The following MAD1L1 variants were observed in gnomAD, a reference collection of about 807,000 sequenced individuals.
The protein encoded by MAD1L1 is mitotic arrest deficient 1 like 1, also known as mitotic spindle assembly checkpoint protein MAD1.
MAD1L1 carries 95 observed loss-of-function variants against 96.9 expected under a neutral mutation model. That is an observed-to-expected ratio of 0.98 (90% CI 0.83 to 1.16). MAD1L1 has a LOEUF of 1.16. Among genes scored for constraint, MAD1L1 ranks in the 50% most tolerant of loss-of-function variants. The pLI, the probability that MAD1L1 is intolerant of heterozygous loss-of-function variation, is 0.00. For synonymous variants in MAD1L1, 473 were observed against 396.6 expected (o/e 1.19, Z -2.29); for missense variants, 1,007 against 954.4 (o/e 1.06, Z -0.73).
At chr7:2,096,868 G>T (rs1786519101) in intron 11 of MAD1L1, among the ~76,000 whole-genome samples, 1 of 152,164 alleles carries the variant, frequency 6.6e-6, no homozygotes, top group Admixed American at 6.5e-5. Flanking sequence ...GCCCAGGCGT[G>T]GGCCCCACCC....
rs190658855 is a variant in MAD1L1, at chr7:1,824,522, G to T, written c.1999-8294C>A. Among the ~76,000 whole-genome samples the T allele has an allele frequency of 3.1e-3, 469 of 152,310 alleles. 2 individuals are homozygous for T. The highest frequency in any genetic ancestry group is 0.011 in the African/African-American group (457 of 41,568). The stretch of plus-strand genomic sequence containing the variant: ...GCTGCCCCGTGCCCTGGCGCCATCG[G>T]ATGGCCTCTACTGGGAAGTGAGCTG... On this transcript the variant is annotated intron_variant, in intron 18 of 18. Transcript: ENST00000265854.
intron 13 of MAD1L1, among the ~76,000 whole-genome samples, chr7:2,013,929 G>A (rs1782415748): frequency 6.6e-6 from 1 of 152,228 alleles, no homozygotes; most frequent in South Asian, 2.1e-4. Flanking sequence ...CCATGGGGCA[G>A]GGAAAAGGCA....
intron 11 of MAD1L1, among the ~76,000 whole-genome samples, chr7:2,096,652 G>A (rs944307438): frequency 1.1e-4 from 17 of 152,278 alleles, no homozygotes; most frequent in Admixed American, 6.5e-4. Context: ...CCTCGGCAGA[G>A]GACAGGAGGA....
intron 18 of MAD1L1, among the ~76,000 whole-genome samples, chr7:1,859,150 TGAGA>T (rs1296688521): frequency 1.3e-5 from 2 of 152,040 alleles, no homozygotes; most frequent in Non-Finnish European, 2.9e-5. Context: ...GCCAGATGCC[TGAGA>T]GAGGCAGTGG....
At chr7:2,003,236 C>T (rs888722001) in intron 13 of MAD1L1, among the ~76,000 whole-genome samples, 1 of 152,232 alleles carries the variant, frequency 6.6e-6, no homozygotes, top group East Asian at 1.9e-4. Flanking sequence ...CCAGGAGAAA[C>T]GGGAGAGAGG....
At chr7:2,065,980 G>A (rs1784860672) in intron 12 of MAD1L1, among the ~76,000 whole-genome samples, 2 of 152,236 alleles carry the variant, frequency 1.3e-5, no homozygotes. Context: ...ACAGGAAAAT[G>A]GTTTGTGTTC....
At chr7:1,976,889 G>C (rs1040056117) in intron 15 of MAD1L1, among the ~76,000 whole-genome samples, 1 of 152,040 alleles carries the variant, frequency 6.6e-6, no homozygotes, top group African/African-American at 2.4e-5. Flanking sequence ...AGACATAAAA[G>C]CTCTCCAAGT....
chr7:1,913,432 C>T (rs1440665921), intron 17 of MAD1L1, among the ~76,000 whole-genome samples: 1 of 31,798 alleles, frequency 3.1e-5, no homozygotes, highest in African/African-American at 1.0e-4. Context: ...CGTGCACGCC[C>T]GGCCTGGAGA....
rs543459040 is a variant in MAD1L1 at position 1,851,862 on chromosome 7, C to G, written c.1999-35634G>C. Among the ~76,000 whole-genome samples the G allele has an allele frequency of 3.3e-5, 5 of 152,316 alleles. No homozygotes were observed. The East Asian group carries it at 9.7e-4, about 29-fold the overall frequency. ...GGTGCTGCCCAGGGAGCTAGAGTCGCCTGCCTGCCAACAGCTGGTTCGCCT... is the reference window on the plus strand; with the variant it reads ...GGTGCTGCCCAGGGAGCTAGAGTCGGCTGCCTGCCAACAGCTGGTTCGCCT... On this transcript the variant is annotated intron_variant, in intron 18 of 18. Transcript: ENST00000265854.
chr7:1,899,043 C>G (rs1440826391), intron 17 of MAD1L1, among the ~76,000 whole-genome samples: 2 of 152,198 alleles, frequency 1.3e-5, no homozygotes, highest in African/African-American at 4.8e-5. Flanking sequence ...CCAGCCACCT[C>G]TGAGGTCAGG....
chr7:2,074,936 T>C (rs1197297716), intron 11 of MAD1L1, among the ~76,000 whole-genome samples: 1 of 152,100 alleles, frequency 6.6e-6, no homozygotes, highest in Non-Finnish European at 1.5e-5. Flanking sequence ...GGCGTGCTCA[T>C]TCGTGGTCAG....
chr7:2,220,907 T>G (rs1046783674), intron 5 of MAD1L1: 1 of 1,611,950 alleles, frequency 6.2e-7, no homozygotes, highest in South Asian at 1.1e-5. Flanking sequence ...CAAGGCCAGA[T>G]GCAGGGCCGA....
rs184145479 is a variant in MAD1L1 at position 2,208,925 on chromosome 7, C to T, written c.986+4287G>A. Among the ~76,000 whole-genome samples, 41 of 152,258 alleles carry T rather than the reference C, an allele frequency of 2.7e-4. No individual in the cohort carries two copies. In the East Asian group the frequency reaches 7.0e-3, roughly 26 times the overall value. On this transcript the variant is annotated intron_variant, in intron 10 of 18. Transcript: ENST00000265854. ...CATCGCTGCCTCCAGACACACGCCT[C>T]GCACTGCTGCTAACTCCCTCAGCCC...
At chr7:2,043,527 G>C (rs1783785270) in intron 12 of MAD1L1, among the ~76,000 whole-genome samples, 1 of 152,260 alleles carries the variant, frequency 6.6e-6, no homozygotes, top group African/African-American at 2.4e-5. Context: ...GAGGTGGCCG[G>C]AATGGGCGGG....
At chr7:2,200,978 G>A (rs998262676) in intron 10 of MAD1L1, among the ~76,000 whole-genome samples, 9 of 152,098 alleles carry the variant, frequency 5.9e-5, no homozygotes, top group South Asian at 2.1e-4. Context: ...CCCAGGCCAC[G>A]CAGGGTAGGT....
chr7:2,051,681 G>A (rs1232390513), intron 12 of MAD1L1, among the ~76,000 whole-genome samples: 1 of 58,694 alleles, frequency 1.7e-5, no homozygotes, highest in African/African-American at 7.1e-5. Context: ...GGGTCACCTC[G>A]CTGTCCCCTA....
chr7:1,995,740 T>G (rs1781525716), intron 14 of MAD1L1, among the ~76,000 whole-genome samples: 1 of 152,122 alleles, frequency 6.6e-6, no homozygotes, highest in Non-Finnish European at 1.5e-5. Context: ...CAGCGTGAAC[T>G]GAACAGGTTT....
chr7:1,872,549 G>T (rs148062846), intron 18 of MAD1L1: 1 of 152,304 alleles, frequency 6.6e-6, no homozygotes, highest in Admixed American at 6.5e-5. Context: ...CTGAACGAGA[G>T]GCCTTTCTTT....
At chr7:2,137,257 T>C (rs1788798241) in intron 11 of MAD1L1, among the ~76,000 whole-genome samples, 1 of 152,250 alleles carries the variant, frequency 6.6e-6, no homozygotes, top group South Asian at 2.1e-4. Context: ...GTAGTATTCA[T>C]TTCTGTGTTT....
Sources: allele counts gnomAD v4.1 joint callset (sites outside exome capture counted in the v4.1 genomes callset), GRCh38; gene constraint gnomAD v4.1.1; transcripts MANE v1.5; gene names NCBI Gene and HGNC (gene_info 2026-07-23, HGNC 2026-07-21).